CSGALNACT1: variants seen among roughly 807,000 people sequenced by gnomAD.
CSGALNACT1 encodes chondroitin sulfate N-acetylgalactosaminyltransferase 1, also known as beta4GalNAcT-1.
A neutral mutation model predicts 51.0 loss-of-function variants in CSGALNACT1; 52 were observed. That is an observed-to-expected ratio of 1.02 (90% CI 0.82 to 1.29). The LOEUF (loss-of-function observed/expected upper bound fraction) is 1.29, where lower values mean the gene tolerates loss of function less well. Ranked by LOEUF, CSGALNACT1 falls within the 50% of genes most tolerant of loss-of-function variation. The pLI is 0.00. For synonymous variants in CSGALNACT1, 341 were observed against 254.4 expected (o/e 1.34, Z -3.24); for missense variants, 935 against 679.2 (o/e 1.38, Z -4.19).
chr8:19,696,710 A>G (rs2061599761), intron 1 of CSGALNACT1, among the ~76,000 whole-genome samples: 1 of 152,180 alleles, frequency 6.6e-6, no homozygotes, highest in Non-Finnish European at 1.5e-5. Flanking sequence ...GCCTACCTAC[A>G]GGTACCACAC....
chr8:19,637,897 G>C (rs1483258279), intron 1 of CSGALNACT1, among the ~76,000 whole-genome samples: 1 of 148,800 alleles, frequency 6.7e-6, no homozygotes, highest in African/African-American at 2.5e-5. Flanking sequence ...GCTGATATTA[G>C]TTGAGGTTAG....
At chr8:19,599,500 G>GA (rs1483066183) in intron 2 of CSGALNACT1, among the ~76,000 whole-genome samples, 1 of 123,932 alleles carries the variant, frequency 8.1e-6, no homozygotes, top group African/African-American at 3.0e-5. Flanking sequence ...AAGAAAGAAA[G>GA]AAAGAAAGAA....
rs144767877 is a variant in CSGALNACT1, at chr8:19,482,930, C to T, written c.634+22271G>A. 3.9e-4 allele frequency among the ~76,000 whole-genome samples: 59 copies of T among 152,308 alleles called. No homozygotes were observed. The Middle Eastern group carries it at 0.017, about 44-fold the overall frequency. On this transcript the variant is annotated intron_variant, in intron 4 of 9. Coordinates refer to ENST00000454498, the Ensembl canonical transcript of CSGALNACT1. Reference sequence around the variant, plus strand: ...CTCTCCTGGTCTAGTTCTTCCTCTTCTGAGGAGCAGTGAGTGGCATTAGCA... The same window carrying T: ...CTCTCCTGGTCTAGTTCTTCCTCTTTTGAGGAGCAGTGAGTGGCATTAGCA...
chr8:19,438,352 A>G (rs1284262820), intron 6 of CSGALNACT1, among the ~76,000 whole-genome samples: 1 of 152,136 alleles, frequency 6.6e-6, no homozygotes, highest in African/African-American at 2.4e-5. Context: ...AGACGTTAAA[A>G]CCTACCCACT....
intron 1 of CSGALNACT1, among the ~76,000 whole-genome samples, chr8:19,672,694 C>A (rs1323270623): frequency 7.0e-6 from 1 of 143,218 alleles, no homozygotes; most frequent in African/African-American, 2.7e-5. Flanking sequence ...GTTCATAAAC[C>A]AACATTCCGA....
intron 1 of CSGALNACT1, among the ~76,000 whole-genome samples, chr8:19,622,804 G>GA (rs1180477967): frequency 6.6e-6 from 1 of 151,866 alleles, no homozygotes; most frequent in Non-Finnish European, 1.5e-5. Context: ...CAAGAAAGGA[G>GA]AAAAAAAGAA....
chr8:19,500,657 C>A (rs7817144), intron 4 of CSGALNACT1, among the ~76,000 whole-genome samples: 1 of 152,002 alleles, frequency 6.6e-6, no homozygotes, highest in African/African-American at 2.4e-5. Context: ...ACTCACTATC[C>A]CCGTGAGGTG....
intron 1 of CSGALNACT1, among the ~76,000 whole-genome samples, chr8:19,692,984 C>G (rs2061406869): frequency 6.6e-6 from 1 of 152,178 alleles, no homozygotes; most frequent in African/African-American, 2.4e-5. Context: ...TGCTCTGCTA[C>G]CCAGGTGAAA....
intron 7 of CSGALNACT1, 103 bp from the exon 7 acceptor site, chr8:19,418,853 CT>C (rs551173143): frequency 8.7e-5 from 67 of 773,048 alleles, no homozygotes; most frequent in Non-Finnish European, 1.1e-4. Flanking sequence ...TTTGCACCCA[CT>C]TTTTTTTTCT....
intron 6 of CSGALNACT1, among the ~76,000 whole-genome samples, chr8:19,428,825 ATG>A (rs59241616): frequency 0.071 from 10,108 of 142,408 alleles, 412 homozygotes; most frequent in Non-Finnish European, 0.086. Flanking sequence ...AAGACATGAT[ATG>A]TGTGTGTGTG....
chr8:19,472,250 C>T (rs555470489), intron 4 of CSGALNACT1, among the ~76,000 whole-genome samples: 1 of 152,350 alleles, frequency 6.6e-6, no homozygotes, highest in South Asian at 2.1e-4. Flanking sequence ...TCTGCAAACA[C>T]ATTCGAATGT....
rs78448957 is a variant in CSGALNACT1, at chr8:19,671,661, T to C, written c.-544+10812A>G. Among the ~76,000 whole-genome samples the C allele has an allele frequency of 1.2e-4, 18 of 152,144 alleles. No homozygotes were observed. In the East Asian group the frequency reaches 3.3e-3, roughly 28 times the overall value. On this transcript the variant is annotated intron_variant, in intron 1 of 9. Coordinates refer to the CSGALNACT1 transcript ENST00000332246. ...CACAAAAGTCATTGATAAAGACAAG[T>C]AAATGTCAAGTATGTTAAAAGGTAG...
At chr8:19,667,044 A>AAGGAAGGAAGGAAGGAAGGAAGG (rs1564386999) in intron 1 of CSGALNACT1, among the ~76,000 whole-genome samples, 6 of 56,994 alleles carry the variant, frequency 1.1e-4, no homozygotes, top group Admixed American at 6.7e-4. Context: ...AGGAAGGAAG[A>AAGGAAGGAAGGAAGGAAGGAAGG]AAGAAAGAAA....
chr8:19,689,782 G>A (rs2061185306), intron 1 of CSGALNACT1, among the ~76,000 whole-genome samples: 1 of 152,326 alleles, frequency 6.6e-6, no homozygotes, highest in African/African-American at 2.4e-5. Flanking sequence ...AGAGATGCTA[G>A]TTAAATCCCC....
intron 8 of CSGALNACT1, among the ~76,000 whole-genome samples, chr8:19,409,487 A>ATG (rs1491171336): frequency 2.6e-4 from 14 of 54,640 alleles, no homozygotes; most frequent in African/African-American, 5.8e-4. Flanking sequence ...GCATGTGTAC[A>ATG]TATATATATA....
At chr8:19,674,811 T>G (rs1040238629) in intron 1 of CSGALNACT1, among the ~76,000 whole-genome samples, 1 of 152,232 alleles carries the variant, frequency 6.6e-6, no homozygotes, top group East Asian at 1.9e-4. Flanking sequence ...GAAGAAGTTG[T>G]CTGGTTGTAG....
At chr8:19,473,660 C>A (rs569413309) in intron 4 of CSGALNACT1, among the ~76,000 whole-genome samples, 55 of 152,222 alleles carry the variant, frequency 3.6e-4, no homozygotes, top group Non-Finnish European at 6.0e-4. Flanking sequence ...CTGCTTTGTA[C>A]TTCAAGAAAA....
chr8:19,753,474 G>C (rs1002931392), intron 1 of CSGALNACT1, among the ~76,000 whole-genome samples: 7 of 152,182 alleles, frequency 4.6e-5, no homozygotes, highest in African/African-American at 7.2e-5. Flanking sequence ...CCACTGGTAA[G>C]ATTTAAGACC....
intron 5 of CSGALNACT1, chr8:19,457,659 T>A (rs765680123): frequency 1.6e-6 from 2 of 1,289,570 alleles, no homozygotes; most frequent in Non-Finnish European, 2.0e-6. Flanking sequence ...AGATTTATAA[T>A]TAGACAGTAG....
Sources: allele counts gnomAD v4.1 joint callset (sites outside exome capture counted in the v4.1 genomes callset), GRCh38; gene constraint gnomAD v4.1.1; transcripts MANE v1.5; gene names NCBI Gene and HGNC (gene_info 2026-07-23, HGNC 2026-07-21).